The following CCDC178 variants were observed in gnomAD, a reference collection of about 807,000 sequenced individuals.
CCDC178 encodes coiled-coil domain containing 178.
Under a neutral mutation model 117.4 loss-of-function variants are expected in CCDC178, and 126 were observed. The observed-to-expected ratio is 1.07, with a 90% confidence interval of 0.93 to 1.24. The LOEUF is 1.24. CCDC178 is among the 50% of genes most tolerant of loss of function. The pLI is 0.00. For synonymous variants in CCDC178, 283 were observed against 313.4 expected, an observed-to-expected ratio of 0.90 and a Z score of 1.02; for missense variants, 1,030 against 986.9, an observed-to-expected ratio of 1.04 and a Z score of -0.59.
chr18:33,421,071 T>C (rs1303901928), intron 2 of CCDC178, among the ~76,000 whole-genome samples: 1 of 152,196 alleles, frequency 6.6e-6, no homozygotes, highest in Non-Finnish European at 1.5e-5. Flanking sequence ...GAAATTCTCT[T>C]TGATGAAGTG....
At chr18:33,016,400 G>T (rs551050524) in intron 21 of CCDC178, among the ~76,000 whole-genome samples, 1 of 151,688 alleles carries the variant, frequency 6.6e-6, no homozygotes, top group African/African-American at 2.4e-5. Flanking sequence ...AGACTAAAAT[G>T]AAAAAATATT....
intron 20 of CCDC178, among the ~76,000 whole-genome samples, chr18:33,112,022 A>C (rs1448581701): frequency 6.6e-6 from 1 of 151,840 alleles, no homozygotes; most frequent in Non-Finnish European, 1.5e-5. Flanking sequence ...AACAAATGAG[A>C]AAGTTTCAAA....
chr18:33,284,715 C>G (rs1298802290), intron 12 of CCDC178, among the ~76,000 whole-genome samples: 1 of 152,114 alleles, frequency 6.6e-6, no homozygotes, highest in Non-Finnish European at 1.5e-5. Context: ...TGAATCCCAT[C>G]AGATTTTCTG....
At chr18:33,141,540 G>T (rs2058205333) in intron 20 of CCDC178, among the ~76,000 whole-genome samples, 1 of 152,158 alleles carries the variant, frequency 6.6e-6, no homozygotes, top group African/African-American at 2.4e-5. Flanking sequence ...ACTGCTCAAG[G>T]TTAGCCATAC....
chr18:33,279,789 A>G (rs1321871284), intron 12 of CCDC178, among the ~76,000 whole-genome samples: 2 of 152,168 alleles, frequency 1.3e-5, no homozygotes, highest in South Asian at 2.1e-4. Context: ...GCCCTCAGAA[A>G]TAACGCCGCT....
At chr18:33,361,524 A>T (rs1039269561) in intron 6 of CCDC178, among the ~76,000 whole-genome samples, 1 of 151,776 alleles carries the variant, frequency 6.6e-6, no homozygotes, top group Non-Finnish European at 1.5e-5. Context: ...TGAAAAGTCC[A>T]GTTACATACT....
intron 3 of CCDC178, among the ~76,000 whole-genome samples, chr18:33,410,941 A>C (rs2063842591): frequency 6.6e-6 from 1 of 152,172 alleles, no homozygotes; most frequent in Non-Finnish European, 1.5e-5. Flanking sequence ...GAGACAAGCA[A>C]GTGCAGAGCT....
intron 15 of CCDC178, among the ~76,000 whole-genome samples, chr18:33,239,140 T>C (rs1198217410): frequency 6.6e-6 from 1 of 151,764 alleles, no homozygotes; most frequent in African/African-American, 2.4e-5. Flanking sequence ...CATCTGGTGG[T>C]GAAAAAACAA....
At chr18:33,281,375 T>G (rs995145421) in intron 12 of CCDC178, among the ~76,000 whole-genome samples, 1 of 152,014 alleles carries the variant, frequency 6.6e-6, no homozygotes, top group Non-Finnish European at 1.5e-5. Context: ...AATCGTAAAT[T>G]ATATTGAAGG....
intron 21 of CCDC178, among the ~76,000 whole-genome samples, chr18:33,040,249 A>G (rs1275281145): frequency 6.6e-6 from 1 of 152,014 alleles, no homozygotes; most frequent in Non-Finnish European, 1.5e-5. Context: ...ACCAACTTAC[A>G]AAGTTAAATA....
At chr18:33,232,389 A>G (rs939924064) in intron 15 of CCDC178, among the ~76,000 whole-genome samples, 4 of 152,232 alleles carry the variant, frequency 2.6e-5, no homozygotes, top group African/African-American at 9.6e-5. Context: ...CTTCAGTTTC[A>G]TTTCCAGTGA....
At chr18:33,174,997 G>A (rs957909406) in intron 20 of CCDC178, among the ~76,000 whole-genome samples, 2 of 151,910 alleles carry the variant, frequency 1.3e-5, no homozygotes, top group South Asian at 2.1e-4. Flanking sequence ...TGGGAGTACC[G>A]GTGCCTGCTA....
At chr18:33,387,499 G>A (rs975074733) in intron 5 of CCDC178, among the ~76,000 whole-genome samples, 2 of 152,074 alleles carry the variant, frequency 1.3e-5, no homozygotes, top group Non-Finnish European at 2.9e-5. Context: ...CATGGTACTG[G>A]TACAAAAACA....
chr18:33,072,986 T>C lies in CCDC178; in HGVS notation c.2388+19775A>G, dbSNP rs180855939. 1.4e-4 allele frequency among the ~76,000 whole-genome samples: 21 copies of C among 152,242 alleles called. No individual in the cohort carries two copies. In the East Asian group the frequency reaches 3.7e-3, roughly 27 times the overall value. ...CAGTGGGAGCTGAGGATATTTGGGA[T>C]TGTGTCTGACTTGGATTTTTCTAGA... On this transcript the variant is annotated intron_variant, in intron 21 of 22. Transcript: ENST00000383096.
At chr18:33,372,651 A>G (rs969555653) in intron 5 of CCDC178, among the ~76,000 whole-genome samples, 2 of 152,128 alleles carry the variant, frequency 1.3e-5, no homozygotes, top group Non-Finnish European at 2.9e-5. Context: ...TCCTGGCTCC[A>G]AGCCAGAGTT....
intron 21 of CCDC178, among the ~76,000 whole-genome samples, chr18:33,070,763 T>C (rs1245267769): frequency 6.6e-6 from 1 of 152,090 alleles, no homozygotes; most frequent in Admixed American, 6.6e-5. Flanking sequence ...TGTATCAAAA[T>C]ATCATATGTA....
At chr18:32,965,611 G>A (rs947956754) in intron 22 of CCDC178, among the ~76,000 whole-genome samples, 7 of 151,642 alleles carry the variant, frequency 4.6e-5, no homozygotes, top group African/African-American at 1.7e-4. Flanking sequence ...CTTAGAACAC[G>A]CTTCTTGGTA....
chr18:33,315,088 C>T lies in CCDC178; in HGVS notation c.1022+8403G>A, dbSNP rs375920247. ...ACTGGGATAGCAGGTGGTCTCATAG[C>T]CCCTAGGGAAGGTTTGCCTACCATG... is the stretch of plus-strand genomic sequence containing the variant. On this transcript the variant is annotated intron_variant, in intron 11 of 22. Coordinates refer to ENST00000383096, the MANE Select transcript of CCDC178 (RefSeq NM_001105528.4). Among the ~76,000 whole-genome samples the T allele has an allele frequency of 3.2e-4, 49 of 152,194 alleles. 2 individuals carry two copies. The East Asian group carries it at 8.3e-3, about 26-fold the overall frequency.
intron 11 of CCDC178, among the ~76,000 whole-genome samples, chr18:33,316,851 G>A (rs1426676246): frequency 1.3e-5 from 2 of 152,078 alleles, no homozygotes; most frequent in Non-Finnish European, 2.9e-5. Flanking sequence ...TCAGCACTCT[G>A]TGTCTAGCTC....
Sources: gnomAD v4.1 joint callset for allele counts (sites outside exome capture counted in the v4.1 genomes callset) on GRCh38, gnomAD v4.1.1 for gene constraint, MANE v1.5 for transcripts, NCBI Gene and HGNC (gene_info 2026-07-23, HGNC 2026-07-21) for gene names.